Variants in GUCY1A2 observed in about 807,000 individuals in gnomAD.
The protein encoded by GUCY1A2 is guanylate cyclase 1 soluble subunit alpha 2, also known as guanylate cyclase soluble subunit alpha-2.
GUCY1A2 carries 27 observed loss-of-function variants against 63.5 expected under a neutral mutation model. That is an observed-to-expected ratio of 0.43 (90% CI 0.31 to 0.59). The LOEUF is 0.59. GUCY1A2 is among the 20% of genes least tolerant of loss of function. The probability of loss-of-function intolerance (pLI) is 0.11; values close to 1 mark genes in which losing one functional copy is unlikely to be tolerated. For synonymous variants in GUCY1A2, 364 were observed against 343.5 expected, an observed-to-expected ratio of 1.06 and a Z score of -0.66; for missense variants, 768 against 913.3, an observed-to-expected ratio of 0.84 and a Z score of 2.05.
intron 6 of GUCY1A2, among the ~76,000 whole-genome samples, chr11:106,763,969 A>C (rs1257505907): frequency 6.6e-6 from 1 of 152,100 alleles, no homozygotes; most frequent in Non-Finnish European, 1.5e-5. Context: ...TACGGTTTTA[A>C]ATTTCTGCTT....
At chr11:107,005,659 T>C (rs1861661817) in intron 1 of GUCY1A2, among the ~76,000 whole-genome samples, 2 of 152,186 alleles carry the variant, frequency 1.3e-5, no homozygotes. Flanking sequence ...GCTGAATAAA[T>C]TAGTAAGTGC....
In GUCY1A2 at chr11:106,954,477, A is replaced by G. The variant is rs554425693; in HGVS notation, c.488-14299T>C. Among the ~76,000 whole-genome samples, 219 of 152,288 alleles carry G rather than the reference A, an allele frequency of 1.4e-3. 1 individual carries two copies. Among genetic ancestry groups the G allele is most frequent in the African/African-American group, 5.1e-3 (210 of 41,564 alleles). ...GCCATGTGGCACAGGAGAAGGACGT[A>G]TATTCTGTTGATCTAGGGTAGAGAG... On this transcript the variant is annotated intron_variant, in intron 3 of 7. Coordinates refer to ENST00000526355, the MANE Select transcript of GUCY1A2 (RefSeq NM_000855.3).
chr11:106,969,921 A>AAGTGTTTT (rs1861172737), intron 3 of GUCY1A2, among the ~76,000 whole-genome samples: 1 of 152,164 alleles, frequency 6.6e-6, no homozygotes, highest in African/African-American at 2.4e-5. Flanking sequence ...AGTCAGAGCT[A>AAGTGTTTT]AGTGTTTTTG....
intron 4 of GUCY1A2, among the ~76,000 whole-genome samples, chr11:106,926,853 G>A (rs1319145118): frequency 6.6e-6 from 1 of 151,450 alleles, no homozygotes; most frequent in African/African-American, 2.4e-5. Context: ...CAGTTTTATA[G>A]TGTCCAATGA....
chr11:106,942,676 G>A (rs1286921943), intron 3 of GUCY1A2, among the ~76,000 whole-genome samples: 1 of 152,128 alleles, frequency 6.6e-6, no homozygotes. Flanking sequence ...ACATTGAAAA[G>A]GTCCTCACAG....
At position 106,971,752 on chromosome 11, in the gene GUCY1A2, T is replaced by C. The variant is rs111635981; in HGVS notation, c.487+6867A>G. Among the ~76,000 whole-genome samples, 901 of 152,212 alleles carry C rather than the reference T, an allele frequency of 5.9e-3. 7 individuals carry two copies. Among genetic ancestry groups the C allele is most frequent in the African/African-American group, 0.021 (871 of 41,536 alleles). On this transcript the variant is annotated intron_variant, in intron 3 of 7. Coordinates refer to ENST00000526355, the MANE Select transcript of GUCY1A2 (RefSeq NM_000855.3). ...TCTTGCTCTGTCAGCTGAGAGGGCG[T>C]AGAAGCAAAACACCCCAATAGCAAT...
chr11:107,013,241 C>T (rs1861773085), intron 1 of GUCY1A2, among the ~76,000 whole-genome samples: 1 of 152,046 alleles, frequency 6.6e-6, no homozygotes, highest in Non-Finnish European at 1.5e-5. Flanking sequence ...CTTCTGAGGT[C>T]TTCAAAGCCA....
In GUCY1A2 at chr11:107,018,052, A is replaced by G; in HGVS notation, c.4T>C (p.Ser2Pro). 1 of 1,457,004 alleles carries G rather than the reference A, an allele frequency of 6.9e-7. No individual in the cohort carries two copies. Among genetic ancestry groups the G allele is most frequent in the Non-Finnish European group, 9.2e-7 (1 of 1,092,178 alleles). The allele number at this position is 1,457,004 out of a possible 1,614,324, so 90.3% of individuals were successfully genotyped here. ...GACTCGGACGAAATCTTCCTTCGAG[A>G]CATGCTGCCGGCGGAGCTGCAGCGG... M[S>P]RRKISSESFS... Residue 2 changes from serine (S) to proline (P), a missense_variant, in exon 1 of 8, where the codon TCT becomes CCT. Around this residue, in one of 3 missense-constraint regions of GUCY1A2, gnomAD observed 496 missense variants for 486.9 expected, o/e 1.02. Coordinates refer to ENST00000526355, the MANE Select transcript of GUCY1A2 (RefSeq NM_000855.3).
Position 106,827,227 on chromosome 11 carries a change from C to A in GUCY1A2, c.1207-16749G>T, listed in dbSNP as rs1433612963. On this transcript the variant is annotated intron_variant, in intron 4 of 7. Coordinates refer to ENST00000526355, the MANE Select transcript of GUCY1A2 (RefSeq NM_000855.3). Reference sequence around the variant, plus strand: ...TACATTATCTGATTTAGATTTGCTTCTAGCTTCCTTTTTCCTTCCTTCAGT... The same window carrying A: ...TACATTATCTGATTTAGATTTGCTTATAGCTTCCTTTTTCCTTCCTTCAGT... 2.7e-5 allele frequency: 42 copies of A among 1,535,710 alleles called. No individual in the cohort carries two copies. In the South Asian group the frequency reaches 4.6e-4, roughly 17 times the overall value.
chr11:107,011,900 G>A (rs2120212622), intron 1 of GUCY1A2, among the ~76,000 whole-genome samples: 1 of 152,080 alleles, frequency 6.6e-6, no homozygotes, highest in African/African-American at 2.4e-5. Flanking sequence ...TCACTATCAA[G>A]GCCTTTGAAC....
At chr11:106,802,563 T>C (rs912205427) in intron 5 of GUCY1A2, among the ~76,000 whole-genome samples, 1 of 152,164 alleles carries the variant, frequency 6.6e-6, no homozygotes, top group African/African-American at 2.4e-5. Context: ...TCTTGGGATT[T>C]CAGTCTGCTC....
chr11:106,796,945 C>G (rs1014519822), intron 5 of GUCY1A2, among the ~76,000 whole-genome samples: 1 of 152,196 alleles, frequency 6.6e-6, no homozygotes. Context: ...TTCACATAGT[C>G]CCATATTTCT....
chr11:106,813,393 A>G (rs1858790361), intron 4 of GUCY1A2, among the ~76,000 whole-genome samples: 1 of 151,840 alleles, frequency 6.6e-6, no homozygotes, highest in Non-Finnish European at 1.5e-5. Context: ...GTTGGGGGGT[A>G]CATGTGCAGG....
At chr11:106,881,369 GAATT>G (rs1317138289) in intron 4 of GUCY1A2, among the ~76,000 whole-genome samples, 1 of 151,984 alleles carries the variant, frequency 6.6e-6, no homozygotes, top group African/African-American at 2.4e-5. Context: ...CTGACTTCAT[GAATT>G]ATTATATTTA....
intron 7 of GUCY1A2, among the ~76,000 whole-genome samples, chr11:106,702,086 A>G (rs577468119): frequency 6.6e-6 from 1 of 152,264 alleles, no homozygotes; most frequent in Non-Finnish European, 1.5e-5. Context: ...TGACTTATTT[A>G]ACCTAAGTTT....
At chr11:106,799,437 A>C (rs1453212034) in intron 5 of GUCY1A2, among the ~76,000 whole-genome samples, 2 of 152,218 alleles carry the variant, frequency 1.3e-5, no homozygotes, top group Non-Finnish European at 2.9e-5. Context: ...CCTCATAGCC[A>C]AGACAACCCA....
intron 4 of GUCY1A2, chr11:106,826,431 C>G: frequency 6.4e-7 from 1 of 1,567,144 alleles, no homozygotes. Flanking sequence ...TTGGATCTAG[C>G]AGATCTTCTC....
At chr11:106,938,583 T>C (rs374275265) in intron 4 of GUCY1A2, among the ~76,000 whole-genome samples, 7 of 152,318 alleles carry the variant, frequency 4.6e-5, no homozygotes, top group South Asian at 2.1e-4. Context: ...GGAAACTGAA[T>C]GGAACTATAC....
chr11:106,774,021 TAA>T (rs1864306526), intron 6 of GUCY1A2, among the ~76,000 whole-genome samples: 1 of 152,196 alleles, frequency 6.6e-6, no homozygotes, highest in Non-Finnish European at 1.5e-5. Context: ...TTGATTTATA[TAA>T]AGATTCATAA....
Sources: allele counts gnomAD v4.1 joint callset (sites outside exome capture counted in the v4.1 genomes callset), GRCh38; gene constraint gnomAD v4.1.1; regional missense constraint gnomAD v4.1.1; transcripts MANE v1.5; gene names NCBI Gene and HGNC (gene_info 2026-07-23, HGNC 2026-07-21).